The following CDH4 variants were observed in gnomAD, a reference collection of about 807,000 sequenced individuals.
CDH4 encodes cadherin 4, also known as cadherin-4.
A neutral mutation model predicts 86.0 loss-of-function variants in CDH4; 33 were observed. The ratio of observed to expected loss-of-function variants is 0.38; its 90% CI spans 0.29 to 0.51. The LOEUF is 0.51. Among genes scored for constraint, CDH4 ranks in the 20% least tolerant of loss-of-function variants. The pLI is 0.86. For synonymous variants in CDH4, 555 were observed against 549.4 expected, an observed-to-expected ratio of 1.01 and a Z score of -0.14; for missense variants, 1,114 against 1,307.4, an observed-to-expected ratio of 0.85 and a Z score of 2.28.
At chr20:61,568,349 C>G (rs948236587) in intron 2 of CDH4, among the ~76,000 whole-genome samples, 1 of 152,126 alleles carries the variant, frequency 6.6e-6, no homozygotes, top group Non-Finnish European at 1.5e-5. Context: ...GGGGCTTTTT[C>G]CCTTCGTTCC....
intron 2 of CDH4, among the ~76,000 whole-genome samples, chr20:61,612,705 G>A (rs56137629): frequency 0.032 from 4,841 of 152,194 alleles, 117 homozygotes; most frequent in Middle Eastern, 0.075. Context: ...AGACTCGAGG[G>A]TCTAATTTAA....
At chr20:61,887,995 A>C in intron 7 of CDH4, among the ~76,000 whole-genome samples, 1 of 152,218 alleles carries the variant, frequency 6.6e-6, no homozygotes, top group South Asian at 2.1e-4. Flanking sequence ...CTGCAGCTTC[A>C]ATTTCCAAAT....
chr20:61,735,192 G>A (rs1054953629), intron 2 of CDH4, among the ~76,000 whole-genome samples: 3 of 152,212 alleles, frequency 2.0e-5, no homozygotes, highest in Non-Finnish European at 2.9e-5. Context: ...CTCAGGATGC[G>A]GTTGGGGCCC....
At chr20:61,595,729 G>C (rs1441178421) in intron 2 of CDH4, among the ~76,000 whole-genome samples, 3 of 152,226 alleles carry the variant, frequency 2.0e-5, no homozygotes, top group African/African-American at 7.2e-5. Flanking sequence ...TGTCTAAGCA[G>C]CGTGGTGTGT....
intron 2 of CDH4, among the ~76,000 whole-genome samples, chr20:61,466,786 G>T (rs1303577557): frequency 1.3e-5 from 2 of 151,934 alleles, no homozygotes; most frequent in Non-Finnish European, 2.9e-5. Context: ...GGGAGGCAGA[G>T]GTTGCATTGA....
chr20:61,429,076 CA>C (rs1723785738), intron 2 of CDH4, among the ~76,000 whole-genome samples: 1 of 143,682 alleles, frequency 7.0e-6, no homozygotes, highest in Admixed American at 6.7e-5. Flanking sequence ...ATGTTACCGT[CA>C]TAAGTTACGA....
chr20:61,787,802 C>G (rs984876363), intron 4 of CDH4, among the ~76,000 whole-genome samples: 1 of 152,102 alleles, frequency 6.6e-6, no homozygotes, highest in African/African-American at 2.4e-5. Context: ...ATGGGGATAT[C>G]GAGGGGATGA....
intron 2 of CDH4, among the ~76,000 whole-genome samples, chr20:61,446,126 G>GA (rs2085348965): frequency 6.6e-6 from 1 of 152,222 alleles, no homozygotes; most frequent in Admixed American, 6.5e-5. Context: ...TCATACTTGG[G>GA]AAGGGTGTGT....
chr20:61,519,944 T>C (rs750191515), intron 2 of CDH4, among the ~76,000 whole-genome samples: 4 of 152,202 alleles, frequency 2.6e-5, no homozygotes, highest in Non-Finnish European at 4.4e-5. Context: ...CACCAACTGC[T>C]GGGCCACATG....
At chr20:61,556,637 G>A (rs1044240539) in intron 2 of CDH4, among the ~76,000 whole-genome samples, 4 of 152,302 alleles carry the variant, frequency 2.6e-5, no homozygotes, top group Non-Finnish European at 5.9e-5. Context: ...CCCACCTGAC[G>A]ACATGCAGTC....
chr20:61,861,538 CTGTGCGTT>C (rs1983321741), intron 6 of CDH4, among the ~76,000 whole-genome samples: 2 of 152,132 alleles, frequency 1.3e-5, no homozygotes, highest in Non-Finnish European at 1.5e-5. Flanking sequence ...CCTTCCCCGC[CTGTGCGTT>C]AGGAATGCCT....
At chr20:61,383,481 G>C (rs1447913414) in intron 2 of CDH4, among the ~76,000 whole-genome samples, 3 of 49,708 alleles carry the variant, frequency 6.0e-5, no homozygotes, top group African/African-American at 1.2e-4. Context: ...GAATATATAT[G>C]ATATATATGA....
chr20:61,286,055 T>C (rs1039011387), intron 2 of CDH4, among the ~76,000 whole-genome samples: 4 of 152,224 alleles, frequency 2.6e-5, no homozygotes, highest in African/African-American at 9.6e-5. Flanking sequence ...GCGCTCTGGA[T>C]GTGCCAGCCC....
intron 2 of CDH4, among the ~76,000 whole-genome samples, chr20:61,503,088 C>T (rs2085716372): frequency 1.3e-5 from 2 of 152,308 alleles, no homozygotes; most frequent in South Asian, 2.1e-4. Flanking sequence ...GGTACTCCTC[C>T]CAGCAAGACC....
At chr20:61,739,685 C>T (rs1413551795) in intron 2 of CDH4, among the ~76,000 whole-genome samples, 2 of 152,326 alleles carry the variant, frequency 1.3e-5, no homozygotes, top group Middle Eastern at 3.4e-3. Context: ...TGAGTGACAG[C>T]GGGCTTGGAG....
At chr20:61,568,793 A>G (rs1418421135) in intron 2 of CDH4, among the ~76,000 whole-genome samples, 1 of 152,088 alleles carries the variant, frequency 6.6e-6, no homozygotes, top group Non-Finnish European at 1.5e-5. Context: ...CCTCCAAGAT[A>G]CTGGGTCTCC....
At chr20:61,380,316 A>G (rs78111800) in intron 2 of CDH4, among the ~76,000 whole-genome samples, 6,029 of 152,232 alleles carry the variant, frequency 0.04, 374 homozygotes, top group African/African-American at 0.13. Context: ...GACTGCCTCA[A>G]TGGTTGAATG....
intron 2 of CDH4, among the ~76,000 whole-genome samples, chr20:61,490,553 G>A (rs2085620391): frequency 6.6e-6 from 1 of 152,120 alleles, no homozygotes; most frequent in African/African-American, 2.4e-5. Context: ...ACAAAAATTA[G>A]CTGGGCATAG....
At chr20:61,729,806 T>C (rs1289452659) in intron 2 of CDH4, among the ~76,000 whole-genome samples, 1 of 152,136 alleles carries the variant, frequency 6.6e-6, no homozygotes, top group Non-Finnish European at 1.5e-5. Context: ...GATTACAGCG[T>C]TGGATGCATC....
Sources: gnomAD v4.1 joint callset for allele counts (sites outside exome capture counted in the v4.1 genomes callset) on GRCh38, gnomAD v4.1.1 for gene constraint, MANE v1.5 for transcripts, NCBI Gene and HGNC (gene_info 2026-07-23, HGNC 2026-07-21) for gene names.